Variants in ATP9A observed in about 807,000 individuals in gnomAD.
The protein encoded by ATP9A is ATPase phospholipid transporting 9A.
ATP9A carries 52 observed loss-of-function variants against 144.1 expected under a neutral mutation model. The observed-to-expected ratio is 0.36, with a 90% confidence interval of 0.29 to 0.45. ATP9A has a LOEUF of 0.45. ATP9A is among the 20% of genes least tolerant of loss of function. ATP9A has a pLI of 1.00. For synonymous variants in ATP9A, 582 were observed against 557.4 expected (o/e 1.04, Z -0.62); for missense variants, 947 against 1,392.7 (o/e 0.68, Z 5.09).
At chr20:51,728,730 C>T (rs1451785557) in intron 2 of ATP9A, among the ~76,000 whole-genome samples, 3 of 151,808 alleles carry the variant, frequency 2.0e-5, no homozygotes, top group Non-Finnish European at 2.9e-5. Flanking sequence ...CATGCCACTG[C>T]ACTCCAGCCC....
intron 15 of ATP9A, among the ~76,000 whole-genome samples, chr20:51,635,179 G>A (rs1283653127): frequency 6.6e-6 from 1 of 152,222 alleles, no homozygotes; most frequent in East Asian, 1.9e-4. Flanking sequence ...GTAGCTGACA[G>A]GGGAGCTGAC....
rs189770255 is a variant in ATP9A, at chr20:51,636,408, G to A, written c.1668+2935C>T. On this transcript the variant is annotated intron_variant, in intron 15 of 27. Coordinates refer to ENST00000338821, the MANE Select transcript of ATP9A (RefSeq NM_006045.3). Reference sequence around the variant, plus strand: ...GGGTAACTGAACCTGCAGATAAGTGGGGATTACCATATTGCTGTTTTAAGC... The same window carrying A: ...GGGTAACTGAACCTGCAGATAAGTGAGGATTACCATATTGCTGTTTTAAGC... 4.6e-5 allele frequency among the ~76,000 whole-genome samples: 7 copies of A among 152,318 alleles called. No homozygotes were observed. In the East Asian group the frequency reaches 1.2e-3, roughly 25 times the overall value.
At chr20:51,672,512 T>G (rs1411099411) in intron 11 of ATP9A, among the ~76,000 whole-genome samples, 1 of 152,146 alleles carries the variant, frequency 6.6e-6, no homozygotes, top group Non-Finnish European at 1.5e-5. Flanking sequence ...AGTGGATGTA[T>G]TTATCCTCTG....
chr20:51,607,644 AT>A lies in ATP9A; in HGVS notation c.2746-61del. ...TCGCGGGGGGCTCACGCAGCATGCC[AT>A]CAGCTTTCACGTTATTCTCCCGCTA... On this transcript the variant is annotated intron_variant, in intron 25 of 27. Transcript: ENST00000338821. 2.9e-6 allele frequency: 4 copies of A among 1,360,320 alleles called. No individual in the cohort carries two copies. The South Asian group carries it at 4.8e-5, about 16-fold the overall frequency. 84.3% of individuals were successfully genotyped at this position (1,360,320 alleles called of 1,614,324 possible). A position where few individuals can be genotyped will look rare whatever the true frequency, so the allele number is the denominator to read the frequency against.
intron 7 of ATP9A, among the ~76,000 whole-genome samples, chr20:51,691,470 A>C (rs919566403): frequency 6.6e-6 from 1 of 152,230 alleles, no homozygotes; most frequent in Non-Finnish European, 1.5e-5. Flanking sequence ...CTCCGTCTCA[A>C]AAAAGAAAAG....
At chr20:51,761,684 C>A (rs1011886732) in intron 1 of ATP9A, among the ~76,000 whole-genome samples, 1 of 151,640 alleles carries the variant, frequency 6.6e-6, no homozygotes, top group Non-Finnish European at 1.5e-5. Flanking sequence ...GGCGCGAACC[C>A]GGAAGGCGGA....
chr20:51,726,639 C>T (rs142705471), intron 2 of ATP9A, among the ~76,000 whole-genome samples: 49 of 152,164 alleles, frequency 3.2e-4, no homozygotes, highest in African/African-American at 1.1e-3. Flanking sequence ...AGTCCAGTGG[C>T]GTGATCGTAG....
chr20:51,676,112 C>A lies in ATP9A; in HGVS notation c.876+20G>T. 6.3e-7 allele frequency: 1 copy of A among 1,598,032 alleles called. No homozygotes were observed. The highest frequency in any genetic ancestry group is 8.6e-7 in the Non-Finnish European group (1 of 1,168,066). ...AACCAGCCCACAGCCGGTCAATGTA[C>A]CCCATGACCTCGTACACACCTTACT... On this transcript the variant is annotated intron_variant, in intron 10 of 27. Transcript: ENST00000338821.
intron 18 of ATP9A, among the ~76,000 whole-genome samples, chr20:51,622,876 G>C (rs1043268502): frequency 3.3e-5 from 5 of 152,016 alleles, no homozygotes; most frequent in African/African-American, 1.2e-4. Flanking sequence ...TGGGGCTATC[G>C]GTCAAAGAAA....
chr20:51,743,493 G>A (rs572950422), intron 1 of ATP9A, among the ~76,000 whole-genome samples: 42 of 138,274 alleles, frequency 3.0e-4, no homozygotes, highest in African/African-American at 9.6e-4. Context: ...TCTGCCTCCC[G>A]GATTCAAGCG....
chr20:51,698,490 G>A (rs1027176520), intron 4 of ATP9A, among the ~76,000 whole-genome samples: 1 of 152,116 alleles, frequency 6.6e-6, no homozygotes, highest in Non-Finnish European at 1.5e-5. Context: ...ATGTCACTCC[G>A]GCCTGGGCAA....
chr20:51,688,521 G>A (rs972685205), intron 9 of ATP9A, among the ~76,000 whole-genome samples: 32 of 152,102 alleles, frequency 2.1e-4, no homozygotes, highest in African/African-American at 7.7e-4. Flanking sequence ...GAACCCGGGG[G>A]GCGGAGGTTA....
At chr20:51,671,664 T>C (rs566274864) in intron 11 of ATP9A, among the ~76,000 whole-genome samples, 1 of 152,262 alleles carries the variant, frequency 6.6e-6, no homozygotes, top group East Asian at 1.9e-4. Flanking sequence ...GCCATCAGCA[T>C]CATCCACCTC....
chr20:51,682,577 C>CTTGTTTTTT (rs2077504522), intron 9 of ATP9A, among the ~76,000 whole-genome samples: 1 of 35,076 alleles, frequency 2.9e-5, no homozygotes, highest in Admixed American at 4.3e-4. Context: ...TTCACTGTAT[C>CTTGTTTTTT]TTTTTTTTTT....
intron 24 of ATP9A, 23 bp from the exon 25 acceptor site, chr20:51,608,649 G>A (rs1321098751): frequency 6.7e-7 from 1 of 1,483,626 alleles, no homozygotes; most frequent in Non-Finnish European, 9.4e-7. Flanking sequence ...ACCGCCATAG[G>A]TAAGACCTGG....
At chr20:51,630,194 A>G (rs1361852204) in intron 15 of ATP9A, among the ~76,000 whole-genome samples, 1 of 152,254 alleles carries the variant, frequency 6.6e-6, no homozygotes, top group Non-Finnish European at 1.5e-5. Flanking sequence ...GCTGAGACTG[A>G]GAAGTCCTAG....
intron 13 of ATP9A, among the ~76,000 whole-genome samples, chr20:51,665,409 C>A (rs548938668): frequency 2.8e-4 from 42 of 152,254 alleles, no homozygotes; most frequent in African/African-American, 9.4e-4. Context: ...AATTGTATCC[C>A]CTTTTTCCAT....
chr20:51,710,020 G>A (rs1320479049), intron 4 of ATP9A, among the ~76,000 whole-genome samples: 1 of 152,130 alleles, frequency 6.6e-6, no homozygotes, highest in African/African-American at 2.4e-5. Flanking sequence ...CCTCATGTGA[G>A]GCCGGGCACA....
At chr20:51,686,662 C>T (rs915431102) in intron 9 of ATP9A, among the ~76,000 whole-genome samples, 1 of 152,158 alleles carries the variant, frequency 6.6e-6, no homozygotes, top group East Asian at 1.9e-4. Flanking sequence ...AGGCTGGGTG[C>T]GGTGGCTCAT....
Sources: allele counts gnomAD v4.1 joint callset (sites outside exome capture counted in the v4.1 genomes callset), GRCh38; gene constraint gnomAD v4.1.1; transcripts MANE v1.5; gene names NCBI Gene and HGNC (gene_info 2026-07-23, HGNC 2026-07-21).